The following PTPRK variants were observed in gnomAD, a reference collection of about 807,000 sequenced individuals.
PTPRK encodes protein tyrosine phosphatase receptor type K, also known as receptor-type tyrosine-protein phosphatase kappa.
PTPRK carries 75 observed loss-of-function variants against 178.0 expected under a neutral mutation model. The observed-to-expected ratio is 0.42, with a 90% CI of 0.35 to 0.51. The LOEUF (loss-of-function observed/expected upper bound fraction) is 0.51. Among genes scored for constraint, PTPRK ranks in the 20% least tolerant of loss-of-function variants. The pLI is 0.02. For synonymous variants in PTPRK, 637 were observed against 620.6 expected, an observed-to-expected ratio of 1.03 and a Z score of -0.39; for missense variants, 1,441 against 1,797.8, an observed-to-expected ratio of 0.80 and a Z score of 3.59.
intron 1 of PTPRK, among the ~76,000 whole-genome samples, chr6:128,504,023 T>C (rs966961893): frequency 1.3e-5 from 2 of 152,172 alleles, no homozygotes; most frequent in African/African-American, 4.8e-5. Context: ...CAGACTGATA[T>C]CACCTGTTTT....
At chr6:128,111,675 C>T (rs989374243) in intron 7 of PTPRK, among the ~76,000 whole-genome samples, 2 of 152,114 alleles carry the variant, frequency 1.3e-5, no homozygotes, top group African/African-American at 2.4e-5. Flanking sequence ...CCAACCACCC[C>T]ATCTGGCTAA....
chr6:128,138,614 T>C (rs925319672), intron 7 of PTPRK, among the ~76,000 whole-genome samples: 1 of 152,144 alleles, frequency 6.6e-6, no homozygotes, highest in Non-Finnish European at 1.5e-5. Flanking sequence ...TTCTAATCTC[T>C]TCTTCAATTA....
intron 3 of PTPRK, among the ~76,000 whole-genome samples, chr6:128,251,699 C>T (rs187081997): frequency 1.7e-3 from 256 of 152,238 alleles, no homozygotes; most frequent in African/African-American, 5.5e-3. Context: ...CATATATACA[C>T]GTGCCCACAT....
At chr6:127,987,768 T>C (rs1398130796) in intron 21 of PTPRK, among the ~76,000 whole-genome samples, 1 of 152,106 alleles carries the variant, frequency 6.6e-6, no homozygotes, top group Non-Finnish European at 1.5e-5. Context: ...ATAACATTCA[T>C]GATTGTAGAA....
At chr6:128,227,976 G>T (rs1174563523) in intron 5 of PTPRK, among the ~76,000 whole-genome samples, 1 of 152,028 alleles carries the variant, frequency 6.6e-6, no homozygotes, top group Non-Finnish European at 1.5e-5. Context: ...CAGGGGATAG[G>T]GGGCTAGGGG....
chr6:128,240,229 T>C, intron 4 of PTPRK, 79 bp from the exon 5 acceptor site: 1 of 1,062,610 alleles, frequency 9.4e-7, no homozygotes, highest in Non-Finnish European at 1.4e-6. Flanking sequence ...CAGCTGAATA[T>C]TATCATTAGT....
At chr6:128,120,128 A>G (rs1424328639) in intron 7 of PTPRK, among the ~76,000 whole-genome samples, 1 of 151,992 alleles carries the variant, frequency 6.6e-6, no homozygotes, top group East Asian at 1.9e-4. Context: ...TTATCATTAT[A>G]TAATTTTAAA....
At chr6:128,132,649 T>G (rs781215013) in intron 7 of PTPRK, among the ~76,000 whole-genome samples, 1 of 152,216 alleles carries the variant, frequency 6.6e-6, no homozygotes, top group Non-Finnish European at 1.5e-5. Flanking sequence ...ATAAGTGACA[T>G]TAGTTAAATT....
At position 127,998,822 on chromosome 6, in the gene PTPRK, G is replaced by A. The variant is rs758982101; in HGVS notation, c.2577C>T (p.Tyr859=). The change falls in exon 16 of 30, where the codon TAC becomes TAT. Residue 859 remains tyrosine (Y), a synonymous_variant. Coordinates refer to ENST00000368226, the MANE Select transcript of PTPRK (RefSeq NM_002844.4). ...TGGCTGGATGCAGCTGTCCTGTCTGGTAAGGGGATTCCGTCCCCTCACAGA... is the reference window on the plus strand; with the variant it reads ...TGGCTGGATGCAGCTGTCCTGTCTGATAAGGGGATTCCGTCCCCTCACAGA... The part of the protein sequence containing the change: ...RYLCEGTESP[Y]QTGQLHPAIR... The A allele has an allele frequency of 1.2e-6, 2 of 1,610,232 alleles. No homozygotes were observed. Among genetic ancestry groups the A allele is most frequent in the East Asian group, 2.2e-5 (1 of 44,712 alleles).
intron 7 of PTPRK, among the ~76,000 whole-genome samples, chr6:128,181,577 G>T (rs1319682812): frequency 6.6e-6 from 1 of 151,970 alleles, no homozygotes; most frequent in Admixed American, 6.6e-5. Flanking sequence ...TCCTCCAAAG[G>T]TTATTTTTGG....
intron 1 of PTPRK, among the ~76,000 whole-genome samples, chr6:128,447,402 T>C (rs1847168373): frequency 6.6e-6 from 1 of 152,230 alleles, no homozygotes; most frequent in Non-Finnish European, 1.5e-5. Flanking sequence ...CATTAAATGC[T>C]CACAAAACCA....
chr6:128,345,916 C>T (rs1395881280), intron 2 of PTPRK, among the ~76,000 whole-genome samples: 2 of 152,116 alleles, frequency 1.3e-5, no homozygotes, highest in South Asian at 2.1e-4. Flanking sequence ...ACTCAATCTT[C>T]GTTAACTACA....
At chr6:128,000,271 T>G (rs1424291425) in intron 15 of PTPRK, 2 of 1,270,018 alleles carry the variant, frequency 1.6e-6, no homozygotes, top group South Asian at 1.3e-5. Flanking sequence ...TATCACCAAC[T>G]CTACAAATAG....
At chr6:128,391,270 A>G (rs975967617) in intron 2 of PTPRK, among the ~76,000 whole-genome samples, 1 of 152,110 alleles carries the variant, frequency 6.6e-6, no homozygotes, top group Non-Finnish European at 1.5e-5. Flanking sequence ...CATCTACGTT[A>G]ATGGCCTCAT....
chr6:128,136,245 C>A (rs1794996111), intron 7 of PTPRK, among the ~76,000 whole-genome samples: 1 of 152,158 alleles, frequency 6.6e-6, no homozygotes, highest in South Asian at 2.1e-4. Flanking sequence ...GTTTAAGCCA[C>A]CCAGTTTGTA....
chr6:128,177,598 T>C (rs1801268156), intron 7 of PTPRK, among the ~76,000 whole-genome samples: 1 of 151,724 alleles, frequency 6.6e-6, no homozygotes, highest in African/African-American at 2.4e-5. Flanking sequence ...CCAACTCTAT[T>C]AGTAAAGTTA....
In PTPRK at chr6:128,240,104, T is replaced by C. The variant is rs150108681; in HGVS notation, c.624A>G (p.Ala208=). The change falls in exon 5 of 30, where the codon GCA becomes GCG. Residue 208 remains alanine, a synonymous_variant. Coordinates refer to ENST00000368226, the MANE Select transcript of PTPRK (RefSeq NM_002844.4). The stretch of plus-strand genomic sequence containing the variant: ...TGCACTGAAATGTAGCGTTTTGCCC[T>C]GCATTCACCTCTACATCCCCTAGAC... ...FLRLGDVEVN[A]GQNATFQCIA... The C allele has an allele frequency of 8.0e-5, 129 of 1,613,996 alleles. No individual in the cohort carries two copies. In the African/African-American group the frequency reaches 1.5e-3, roughly 19 times the overall value.
At chr6:128,433,803 TACCATGCCCAGCCTCTAAC>T (rs1845153007) in intron 1 of PTPRK, among the ~76,000 whole-genome samples, 1 of 149,276 alleles carries the variant, frequency 6.7e-6, no homozygotes, top group Admixed American at 6.7e-5. Context: ...AGGGGTGAGC[TACCATGCCCAGCCTCTAAC>T]ACTGTTTTTT....
intron 25 of PTPRK, among the ~76,000 whole-genome samples, chr6:127,980,089 T>A (rs1276193564): frequency 6.6e-6 from 1 of 152,108 alleles, no homozygotes; most frequent in Admixed American, 6.5e-5. Flanking sequence ...GGCAGGTGGA[T>A]CACCTGAGGT....
Sources: gnomAD v4.1 joint callset for allele counts (sites outside exome capture counted in the v4.1 genomes callset) on GRCh38, gnomAD v4.1.1 for gene constraint, MANE v1.5 for transcripts, NCBI Gene and HGNC (gene_info 2026-07-23, HGNC 2026-07-21) for gene names.